Variants in TNIK observed in about 807,000 individuals in gnomAD.
The protein encoded by TNIK is TRAF2 and NCK interacting kinase.
TNIK carries 49 observed loss-of-function variants against 191.3 expected under a neutral mutation model. The observed-to-expected ratio is 0.26, with a 90% CI of 0.20 to 0.32. TNIK has a LOEUF of 0.32. Among genes scored for constraint, TNIK ranks in the 10% least tolerant of loss-of-function variants. The pLI, the probability that TNIK is intolerant of heterozygous loss-of-function variation, is 1.00. For synonymous variants in TNIK, 594 were observed against 600.9 expected, an observed-to-expected ratio of 0.99 and a Z score of 0.17; for missense variants, 1,155 against 1,702.3, an observed-to-expected ratio of 0.68 and a Z score of 5.66.
chr3:171,237,548 C>T (rs902615290), intron 2 of TNIK, among the ~76,000 whole-genome samples: 1 of 151,428 alleles, frequency 6.6e-6, no homozygotes, highest in African/African-American at 2.4e-5. Context: ...CCAAATGTCT[C>T]CTCTGTAAGA....
intron 1 of TNIK, among the ~76,000 whole-genome samples, chr3:171,418,108 C>T (rs1371716027): frequency 1.3e-5 from 2 of 152,174 alleles, no homozygotes; most frequent in African/African-American, 4.8e-5. Flanking sequence ...AACAGTGAGA[C>T]TAGGTCACCT....
rs1729315404 is a variant in TNIK, at chr3:171,460,217, G to A, written c.-154C>T. ...CCGCCCACCCCAGCCCCACAGCGCCGGATCCCGATCCTCCGCGCGTCGGTC... is the reference window on the plus strand; with the variant it reads ...CCGCCCACCCCAGCCCCACAGCGCCAGATCCCGATCCTCCGCGCGTCGGTC... On this transcript the variant is annotated 5_prime_UTR_variant, in exon 1 of 33. Transcript: ENST00000436636. This position sits in a 1 kb window ranked among gnomAD's most constrained non-coding sequence, Gnocchi z 6.8. 7 of 939,168 alleles carry A rather than the reference G, an allele frequency of 7.5e-6. No homozygotes were observed. Among genetic ancestry groups the A allele is most frequent in the Non-Finnish European group, 1.1e-5 (7 of 628,848 alleles). 58.2% of individuals were successfully genotyped at this position (939,168 alleles called of 1,614,324 possible). A position where few individuals can be genotyped will look rare whatever the true frequency, so the allele number is the denominator to read the frequency against.
At chr3:171,410,869 A>G (rs1389018195) in intron 1 of TNIK, among the ~76,000 whole-genome samples, 4 of 151,658 alleles carry the variant, frequency 2.6e-5, no homozygotes, top group African/African-American at 9.7e-5. Context: ...TCAGTCATCA[A>G]ACCCACTCAG....
intron 15 of TNIK, among the ~76,000 whole-genome samples, chr3:171,137,333 C>A (rs1473131827): frequency 6.6e-6 from 1 of 151,312 alleles, no homozygotes; most frequent in Non-Finnish European, 1.5e-5. Flanking sequence ...TCTAAAGATT[C>A]TAGATAAAAA....
At chr3:171,396,402 C>T (rs749249209) in intron 1 of TNIK, among the ~76,000 whole-genome samples, 2 of 152,124 alleles carry the variant, frequency 1.3e-5, no homozygotes, top group Admixed American at 6.6e-5. Flanking sequence ...TTACAAATAA[C>T]GCTGCTATGA....
At chr3:171,250,461 T>G (rs1237818730) in intron 2 of TNIK, among the ~76,000 whole-genome samples, 1 of 152,220 alleles carries the variant, frequency 6.6e-6, no homozygotes, top group Admixed American at 6.5e-5. Flanking sequence ...AAAAATTTCG[T>G]GTCCAAACCT....
chr3:171,370,683 G>GGGTAT (rs1716364043), intron 1 of TNIK, among the ~76,000 whole-genome samples: 1 of 152,186 alleles, frequency 6.6e-6, no homozygotes, highest in African/African-American at 2.4e-5. Flanking sequence ...GAGGGAGGTA[G>GGGTAT]GGTATGGTAT....
chr3:171,283,267 T>C (rs577709825), intron 2 of TNIK, among the ~76,000 whole-genome samples: 2 of 152,276 alleles, frequency 1.3e-5, no homozygotes, highest in Admixed American at 1.3e-4. Context: ...CTCTGAAATG[T>C]TTCCTGGATT....
chr3:171,200,329 A>G (rs1739253877), intron 4 of TNIK, among the ~76,000 whole-genome samples: 1 of 152,200 alleles, frequency 6.6e-6, no homozygotes, highest in Non-Finnish European at 1.5e-5. Flanking sequence ...GAGGTGTCCA[A>G]AAAAAGCACA....
intron 2 of TNIK, among the ~76,000 whole-genome samples, chr3:171,236,370 C>T (rs1560302057): frequency 6.6e-6 from 1 of 152,146 alleles, no homozygotes; most frequent in Non-Finnish European, 1.5e-5. Context: ...GCTATGTGAT[C>T]TGATGTGAGT....
chr3:171,279,186 T>C (rs1750140593), intron 2 of TNIK, among the ~76,000 whole-genome samples: 1 of 152,062 alleles, frequency 6.6e-6, no homozygotes, highest in African/African-American at 2.4e-5. Context: ...TGTTAATCTA[T>C]TACTTCTAGC....
intron 1 of TNIK, among the ~76,000 whole-genome samples, chr3:171,417,562 AC>A (rs757356094): frequency 6.6e-6 from 1 of 152,198 alleles, no homozygotes; most frequent in Non-Finnish European, 1.5e-5. Flanking sequence ...AAATCATTTA[AC>A]TTTTGACTTC....
chr3:171,314,067 C>T (rs1232783452), intron 2 of TNIK, among the ~76,000 whole-genome samples: 2 of 152,182 alleles, frequency 1.3e-5, no homozygotes, highest in Non-Finnish European at 2.9e-5. Flanking sequence ...TGCCATATTA[C>T]AGGATGTTCA....
chr3:171,151,133 G>A (rs991585790), intron 12 of TNIK, among the ~76,000 whole-genome samples: 2 of 152,206 alleles, frequency 1.3e-5, no homozygotes, highest in African/African-American at 4.8e-5. Context: ...TGCATGTAAG[G>A]AAGCTGAGGT....
chr3:171,410,982 A>T (rs1030037202), intron 1 of TNIK, among the ~76,000 whole-genome samples: 3 of 152,010 alleles, frequency 2.0e-5, no homozygotes, highest in Admixed American at 1.3e-4. Flanking sequence ...GGTCTGCATC[A>T]CAAACAGGGC....
intron 27 of TNIK, among the ~76,000 whole-genome samples, chr3:171,080,137 A>C (rs1365279953): frequency 6.6e-6 from 1 of 152,212 alleles, no homozygotes; most frequent in Non-Finnish European, 1.5e-5. Context: ...ATGGTGCTGA[A>C]GTCACTGAAA....
chr3:171,392,850 T>A (rs116564894), intron 1 of TNIK, among the ~76,000 whole-genome samples: 3,128 of 150,852 alleles, frequency 0.021, 115 homozygotes, highest in African/African-American at 0.072. Context: ...ATTCAATGCA[T>A]ACTTTGTCTC....
chr3:171,195,416 G>C (rs535605569), intron 4 of TNIK, among the ~76,000 whole-genome samples: 1 of 152,094 alleles, frequency 6.6e-6, no homozygotes, highest in South Asian at 2.1e-4. Context: ...CACCTTATTA[G>C]GTACTTATAT....
At chr3:171,103,864 T>C (rs558744818) in intron 21 of TNIK, among the ~76,000 whole-genome samples, 7 of 152,206 alleles carry the variant, frequency 4.6e-5, no homozygotes, top group African/African-American at 1.7e-4. Flanking sequence ...TTCTAAAAAA[T>C]CAAAATTATT....
Sources: gnomAD v4.1 joint callset for allele counts (sites outside exome capture counted in the v4.1 genomes callset) on GRCh38, gnomAD v4.1.1 for gene constraint, Gnocchi (gnomAD v3.1) non-coding constraint, MANE v1.5 for transcripts, NCBI Gene and HGNC (gene_info 2026-07-23, HGNC 2026-07-21) for gene names.